Variants in BRCA1 observed in about 807,000 individuals in gnomAD.
BRCA1 encodes breast cancer type 1 susceptibility protein.
Under a neutral mutation model 173.7 loss-of-function variants are expected in BRCA1, and 140 were observed. The observed-to-expected ratio is 0.81, with a 90% confidence interval of 0.70 to 0.93. BRCA1 has a LOEUF of 0.93. Ranked by LOEUF, BRCA1 falls within the 40% of genes least tolerant of loss-of-function variation. The pLI, the probability that BRCA1 is intolerant of heterozygous loss-of-function variation, is 0.00. For missense variants in BRCA1, 1,983 were observed against 2,172.5 expected, an observed-to-expected ratio of 0.91 and a Z score of 1.73; for synonymous variants, 662 against 756.0, an observed-to-expected ratio of 0.88 and a Z score of 2.04.
chr17:43,097,185 TTAA>T, intron 8 of BRCA1, 56 bp downstream of exon 8: 1 of 1,488,922 alleles, frequency 6.7e-7, no homozygotes, highest in Non-Finnish European at 9.3e-7. Context: ...ACATCAATCC[TTAA>T]TATTAACTAA....
At chr17:43,146,940 C>T (rs973582816) in intron 1 of BRCA1, among the ~76,000 whole-genome samples, 1 of 151,966 alleles carries the variant, frequency 6.6e-6, no homozygotes, top group African/African-American at 2.4e-5. Flanking sequence ...AGGGCCCCGT[C>T]GTTTACCCCG....
intron 16 of BRCA1, among the ~76,000 whole-genome samples, chr17:43,066,373 T>C (rs535256518): frequency 2.0e-5 from 3 of 152,278 alleles, no homozygotes; most frequent in African/African-American, 7.2e-5. Context: ...AACTAGGTGT[T>C]ACATGAAGCT....
chr17:43,138,480 C>A (rs999328518), intron 1 of BRCA1: 1 of 619,078 alleles, frequency 1.6e-6, no homozygotes, highest in East Asian at 2.7e-5. Context: ...GTGACTCCAC[C>A]GTAGACTCCA....
At chr17:43,102,873 T>C (rs2054554407) in intron 6 of BRCA1, among the ~76,000 whole-genome samples, 1 of 152,046 alleles carries the variant, frequency 6.6e-6, no homozygotes, top group Non-Finnish European at 1.5e-5. Context: ...CAAACTGGTC[T>C]TGAACTCCTG....
In BRCA1 at chr17:43,106,496, G is replaced by C. The variant is rs397508904; in HGVS notation, c.172C>G (p.Pro58Ala). The stretch of plus-strand genomic sequence containing the variant: ...TTCTTACATAAAGGACACTGTGAAG[G>C]CCCTTTCTTCTGGTTGAGAAGTTTC... ...MLKLLNQKKG[P>A]SQCPLCKNDI... The change falls in exon 4 of 23, where the codon CCT becomes GCT. Residue 58 changes from proline to alanine, a missense_variant. Transcript: ENST00000357654. The C allele has an allele frequency of 3.1e-6, 5 of 1,604,394 alleles. No individual in the cohort carries two copies. The highest frequency in any genetic ancestry group is 1.3e-5 in the African/African-American group (1 of 74,770).
upstream of BRCA1, among the ~76,000 whole-genome samples, chr17:43,127,407 T>C (rs1408446626): frequency 6.6e-5 from 10 of 152,164 alleles, no homozygotes; most frequent in Non-Finnish European, 1.0e-4. Context: ...GGAGAACTTC[T>C]GTGTCTAGCT....
At chr17:43,116,212 T>C (rs1193651252) in intron 2 of BRCA1, among the ~76,000 whole-genome samples, 1 of 152,128 alleles carries the variant, frequency 6.6e-6, no homozygotes, top group Non-Finnish European at 1.5e-5. Flanking sequence ...TTACTGTAAA[T>C]GCCTTTTTAA....
chr17:43,050,980 C>T (rs1403317743), intron 20 of BRCA1, 83 bp downstream of exon 20: 2 of 1,349,414 alleles, frequency 1.5e-6, no homozygotes, highest in African/African-American at 1.4e-5. Flanking sequence ...TGAGGAACCC[C>T]CATCGTGGGA....
intron 2 of BRCA1, among the ~76,000 whole-genome samples, chr17:43,122,929 T>G (rs1597921426): frequency 6.7e-6 from 1 of 150,196 alleles, no homozygotes; most frequent in African/African-American, 2.5e-5. Flanking sequence ...TGGTAGTGGG[T>G]GCTTGTAGTC....
At chr17:43,130,145 C>T (rs1181437394), upstream of BRCA1, among the ~76,000 whole-genome samples, 1 of 152,136 alleles carries the variant, frequency 6.6e-6, no homozygotes, top group African/African-American at 2.4e-5. Context: ...GTTTATGGTT[C>T]TAATGACTGG....
intron 1 of BRCA1, among the ~76,000 whole-genome samples, chr17:43,137,074 A>G (rs1020447951): frequency 2.0e-5 from 3 of 152,194 alleles, no homozygotes; most frequent in Non-Finnish European, 4.4e-5. Flanking sequence ...AATGTGGCAC[A>G]TATACACCAT....
chr17:43,165,727 T>G (rs2056262230), intron 1 of BRCA1: 1 of 151,840 alleles, frequency 6.6e-6, no homozygotes, highest in Admixed American at 6.6e-5. Context: ...CCCCCTTTTT[T>G]TCCTTTTTTT....
chr17:43,045,580 A>G lies in BRCA1; in HGVS notation c.*98T>C. The G allele has an allele frequency of 1.3e-6, 2 of 1,522,904 alleles. No individual in the cohort carries two copies. The highest frequency in any genetic ancestry group is 2.3e-5 in the South Asian group (2 of 87,392). 94.3% of individuals were successfully genotyped at this position (1,522,904 alleles called of 1,614,324 possible). A position where few individuals can be genotyped will look rare whatever the true frequency, so the allele number is the denominator to read the frequency against. On this transcript the variant is annotated 3_prime_UTR_variant, in exon 23 of 23. Transcript: ENST00000357654. ...AAATATTTAGTAGCCAGGACAGTAG[A>G]AGGACTGAAGAGTGAGAGGAGCTCC...
chr17:43,157,174 A>G (rs1597944858), intron 1 of BRCA1, among the ~76,000 whole-genome samples: 1 of 152,242 alleles, frequency 6.6e-6, no homozygotes, highest in East Asian at 1.9e-4. Flanking sequence ...ATAGCTGCCA[A>G]TAGTGACTTA....
chr17:43,144,814 A>T, intron 1 of BRCA1: 1 of 415,650 alleles, frequency 2.4e-6, no homozygotes, highest in Admixed American at 3.3e-5. Flanking sequence ...TAAGGTCTGG[A>T]GTTCGAGACC....
intron 2 of BRCA1, chr17:43,119,289 G>A (rs111489251): frequency 4.8e-6 from 1 of 209,198 alleles, no homozygotes; most frequent in Non-Finnish European, 9.6e-6. Context: ...AAAAAAAAAA[G>A]AAAAGGATCA....
chr17:43,124,437 GTTGT>G (rs1379144903), intron 1 of BRCA1, among the ~76,000 whole-genome samples: 1 of 152,034 alleles, frequency 6.6e-6, no homozygotes, highest in Non-Finnish European at 1.5e-5. Flanking sequence ...AATGTTTCTG[GTTGT>G]TTTCTTTTTC....
At chr17:43,135,062 C>T (rs558558609) in intron 1 of BRCA1, among the ~76,000 whole-genome samples, 25 of 152,364 alleles carry the variant, frequency 1.6e-4, no homozygotes, top group South Asian at 4.1e-4. Flanking sequence ...CTTTCCCAGC[C>T]CCTGGCTTTG....
intron 1 of BRCA1, chr17:43,162,771 G>C (rs1357400064): frequency 6.6e-6 from 1 of 152,182 alleles, no homozygotes; most frequent in Non-Finnish European, 1.5e-5. Flanking sequence ...GGACCAGTCA[G>C]CTTCTGGGTG....
Sources: gnomAD v4.1 joint callset for allele counts (sites outside exome capture counted in the v4.1 genomes callset) on GRCh38, gnomAD v4.1.1 for gene constraint, MANE v1.5 for transcripts, NCBI Gene and HGNC (gene_info 2026-07-23, HGNC 2026-07-21) for gene names.